The following PTGIS variants were observed in gnomAD, a reference collection of about 807,000 sequenced individuals.
PTGIS encodes prostaglandin I2 synthase.
A neutral mutation model predicts 50.3 loss-of-function variants in PTGIS; 45 were observed. That is an observed-to-expected ratio of 0.90 (90% CI 0.70 to 1.15). The LOEUF is 1.15. Ranked by LOEUF, PTGIS falls within the 50% of genes most tolerant of loss-of-function variation. PTGIS has a pLI of 0.00. For missense variants in PTGIS, 668 were observed against 661.3 expected (o/e 1.01, Z -0.11); for synonymous variants, 260 against 267.7 (o/e 0.97, Z 0.28).
intron 1 of PTGIS, among the ~76,000 whole-genome samples, chr20:49,558,029 C>T (rs1488183013): frequency 2.6e-5 from 4 of 152,182 alleles, no homozygotes; most frequent in Non-Finnish European, 4.4e-5. Flanking sequence ...CTGTCTCAGA[C>T]ACTTTTTGGT....
chr20:49,510,317 A>G (rs1981279885), intron 9 of PTGIS, among the ~76,000 whole-genome samples: 1 of 152,226 alleles, frequency 6.6e-6, no homozygotes, highest in Admixed American at 6.5e-5. Flanking sequence ...CACTTAGCAC[A>G]ATGCATGCAC....
At chr20:49,510,521 G>C (rs551786473) in intron 9 of PTGIS, among the ~76,000 whole-genome samples, 1 of 152,230 alleles carries the variant, frequency 6.6e-6, no homozygotes, top group East Asian at 1.9e-4. Context: ...ATTGCACAGG[G>C]GCTGGACAGG....
chr20:49,534,490 G>GA (rs1982022118), intron 5 of PTGIS, among the ~76,000 whole-genome samples: 1 of 152,110 alleles, frequency 6.6e-6, no homozygotes, highest in African/African-American at 2.4e-5. Context: ...GTGATGGGGG[G>GA]AGTTCCTCTG....
chr20:49,559,458 A>G (rs1982707579), intron 1 of PTGIS, among the ~76,000 whole-genome samples: 1 of 152,168 alleles, frequency 6.6e-6, no homozygotes, highest in South Asian at 2.1e-4. Flanking sequence ...CTTGCCTGAG[A>G]TCCAAGAACC....
intron 5 of PTGIS, among the ~76,000 whole-genome samples, chr20:49,532,497 G>A (rs1428057474): frequency 6.6e-6 from 1 of 152,140 alleles, no homozygotes; most frequent in Non-Finnish European, 1.5e-5. Flanking sequence ...TTTCTTGCCT[G>A]TAAATTGGGA....
Position 49,507,528 on chromosome 20 carries a change from A to G in PTGIS, c.*392T>C, listed in dbSNP as rs1165638913. The G allele has an allele frequency of 1.2e-5, 4 of 343,020 alleles. No individual in the cohort carries two copies. The highest frequency in any genetic ancestry group is 7.6e-5 in the East Asian group (1 of 13,212). The allele number at this position is 343,020 out of a possible 1,614,324, so 21.2% of individuals were successfully genotyped here. A position where few individuals can be genotyped will look rare whatever the true frequency, so the allele number is the denominator to read the frequency against. ...TGTGGCCAGCATCCGCTTTGACTGG[A>G]TAAGGCCCGGGCCATGCTAGCTCAT... On this transcript the variant is annotated 3_prime_UTR_variant, in exon 10 of 10. Transcript: ENST00000244043.
chr20:49,540,794 G>T lies in PTGIS; in HGVS notation c.522-1073C>A, dbSNP rs145758470. Among the ~76,000 whole-genome samples, 542 of 152,258 alleles carry T rather than the reference G, an allele frequency of 3.6e-3. 4 individuals carry two copies. The highest frequency in any genetic ancestry group is 0.012 in the African/African-American group (514 of 41,552). On this transcript the variant is annotated intron_variant, in intron 4 of 9. Coordinates refer to ENST00000244043, the MANE Select transcript of PTGIS (RefSeq NM_000961.4). This position sits in a 1 kb window ranked among gnomAD's most constrained non-coding sequence, Gnocchi z 4.8. ...CTCAGTCCTGGGAGGGAAACTGCAG[G>T]CTTTCATTTTGTCATCTCTGCCTCA... is the stretch of plus-strand genomic sequence containing the variant.
chr20:49,539,535 TC>T (rs760612853), intron 5 of PTGIS, 34 bp downstream of exon 5: 23 of 1,604,350 alleles, frequency 1.4e-5, no homozygotes, highest in Admixed American at 6.8e-5. Flanking sequence ...CTTTCCATCC[TC>T]CCCCCCACCC....
intron 6 of PTGIS, among the ~76,000 whole-genome samples, chr20:49,520,236 A>G (rs910820008): frequency 2.0e-5 from 3 of 151,600 alleles, no homozygotes; most frequent in African/African-American, 7.3e-5. Context: ...TTCACCCCTC[A>G]CTTCCTTCAG....
At chr20:49,550,544 T>A (rs1018328857) in intron 1 of PTGIS, among the ~76,000 whole-genome samples, 1 of 152,248 alleles carries the variant, frequency 6.6e-6, no homozygotes, top group Non-Finnish European at 1.5e-5. Flanking sequence ...GCTTAGATAC[T>A]TTTTAGTTTA....
At chr20:49,565,790 T>G (rs999728020) in intron 1 of PTGIS, among the ~76,000 whole-genome samples, 1 of 152,230 alleles carries the variant, frequency 6.6e-6, no homozygotes, top group African/African-American at 2.4e-5. Flanking sequence ...TGTCCCTAGC[T>G]GAACTGGAAG....
At chr20:49,559,349 A>T (rs1015051679) in intron 1 of PTGIS, among the ~76,000 whole-genome samples, 2 of 152,138 alleles carry the variant, frequency 1.3e-5, no homozygotes, top group Non-Finnish European at 2.9e-5. Context: ...TGCCTTCGGA[A>T]ACGCCCTGGT....
intron 1 of PTGIS, among the ~76,000 whole-genome samples, chr20:49,558,145 C>T (rs1982666203): frequency 6.6e-6 from 1 of 152,132 alleles, no homozygotes; most frequent in Non-Finnish European, 1.5e-5. Flanking sequence ...TCCCAACACT[C>T]TGGGAGGCCA....
intron 1 of PTGIS, among the ~76,000 whole-genome samples, chr20:49,550,836 T>C (rs1484944511): frequency 3.3e-5 from 5 of 152,242 alleles, no homozygotes; most frequent in East Asian, 1.9e-4. Flanking sequence ...GGAGAGCACG[T>C]AACTCCCTTC....
At chr20:49,511,942 T>C (rs760982676) in intron 8 of PTGIS, among the ~76,000 whole-genome samples, 7 of 151,314 alleles carry the variant, frequency 4.6e-5, no homozygotes, top group Non-Finnish European at 7.4e-5. Context: ...AATAAATGGA[T>C]GAATGGACAA....
At chr20:49,563,840 G>A (rs76130224) in intron 1 of PTGIS, among the ~76,000 whole-genome samples, 1,627 of 152,342 alleles carry the variant, frequency 0.011, 30 homozygotes, top group African/African-American at 0.037. Context: ...CAGAAAAGGA[G>A]CCTCCCAACC....
chr20:49,524,245 G>T lies in PTGIS; in HGVS notation c.674-6C>A. The T allele has an allele frequency of 6.2e-7, 1 of 1,613,876 alleles. No homozygotes were observed. The highest frequency in any genetic ancestry group is 8.5e-7 in the Non-Finnish European group (1 of 1,179,960). ...GCACATGTGGTCCTTGTCCCCTGCA[G>T]GGACAGAGCACAGAGAGTAGGGGTT... On this transcript the variant is annotated splice_polypyrimidine_tract_variant and splice_region_variant and intron_variant, in intron 5 of 9. Coordinates refer to ENST00000244043, the MANE Select transcript of PTGIS (RefSeq NM_000961.4).
intron 4 of PTGIS, among the ~76,000 whole-genome samples, chr20:49,541,991 G>A (rs932753552): frequency 6.6e-5 from 10 of 152,192 alleles, no homozygotes; most frequent in Non-Finnish European, 2.9e-5. Context: ...AGACCTCTCT[G>A]AGCAGGTGGC....
intron 6 of PTGIS, among the ~76,000 whole-genome samples, chr20:49,517,273 G>A (rs979578594): frequency 6.6e-6 from 1 of 152,222 alleles, no homozygotes; most frequent in Non-Finnish European, 1.5e-5. Context: ...CACCAGCTTA[G>A]CTCAGCGCCA....
Sources: allele counts gnomAD v4.1 joint callset (sites outside exome capture counted in the v4.1 genomes callset), GRCh38; gene constraint gnomAD v4.1.1; non-coding constraint Gnocchi (gnomAD v3.1); transcripts MANE v1.5; gene names NCBI Gene and HGNC (gene_info 2026-07-23, HGNC 2026-07-21).